The following SCHIP1 variants were observed in gnomAD, a reference collection of about 807,000 sequenced individuals.
The protein encoded by SCHIP1 is schwannomin-interacting protein 1.
SCHIP1 carries 8 observed loss-of-function variants against 29.7 expected under a neutral mutation model. That is an observed-to-expected ratio of 0.27 (90% CI 0.16 to 0.49). The LOEUF is 0.49. Among genes scored for constraint, SCHIP1 ranks in the 20% least tolerant of loss-of-function variants. The pLI, the probability that SCHIP1 is intolerant of heterozygous loss-of-function variation, is 0.99. For synonymous variants in SCHIP1, 76 were observed against 94.9 expected (o/e 0.80, Z 1.16); for missense variants, 193 against 294.6 (o/e 0.66, Z 2.52).
chr3:159,524,921 C>T, the SCHIP1 span, among the ~76,000 whole-genome samples: 1 of 152,206 alleles, frequency 6.6e-6, no homozygotes, highest in African/African-American at 2.4e-5. Flanking sequence ...CTACTGTACA[C>T]CCCACCCCTA....
the SCHIP1 span, among the ~76,000 whole-genome samples, chr3:159,529,893 A>G: frequency 4.6e-5 from 7 of 152,202 alleles, no homozygotes; most frequent in Non-Finnish European, 8.8e-5. Flanking sequence ...CACTTAACAT[A>G]ACGTCCTCCA....
chr3:159,732,178 G>A, the SCHIP1 span, among the ~76,000 whole-genome samples: 1 of 152,336 alleles, frequency 6.6e-6, no homozygotes, highest in South Asian at 2.1e-4. Context: ...TGCCTACTAT[G>A]TGCAGAAACT....
chr3:159,763,088 G>A, the SCHIP1 span, among the ~76,000 whole-genome samples: 2 of 152,188 alleles, frequency 1.3e-5, no homozygotes, highest in Non-Finnish European at 2.9e-5. Context: ...TCAGCGTGCA[G>A]CCCGGAGGGG....
At chr3:159,421,511 C>G in the SCHIP1 span, among the ~76,000 whole-genome samples, 2 of 151,976 alleles carry the variant, frequency 1.3e-5, no homozygotes, top group Admixed American at 6.6e-5. Flanking sequence ...AAAAGGAGAA[C>G]AAATAAAGTT....
chr3:159,734,135 C>CTTTTTTTTTTTTTTTTTTTTTTTTA, the SCHIP1 span, among the ~76,000 whole-genome samples: 1 of 100,938 alleles, frequency 9.9e-6, no homozygotes, highest in Non-Finnish European at 1.9e-5. Context: ...TTATTGTTTA[C>CTTTTTTTTTTTTTTTTTTTTTTTTA]TTTTTTTTTT....
the SCHIP1 span, among the ~76,000 whole-genome samples, chr3:159,358,209 G>A: frequency 1.2e-3 from 184 of 152,302 alleles, 5 homozygotes; most frequent in East Asian, 0.031. Context: ...CACAGGGTCA[G>A]ATGAGAAATT....
At chr3:159,399,697 G>A in the SCHIP1 span, among the ~76,000 whole-genome samples, 26 of 152,230 alleles carry the variant, frequency 1.7e-4, 1 homozygote, top group South Asian at 5.2e-3. Flanking sequence ...ATATATTAGA[G>A]ATAGGGTCTT....
chr3:159,746,157 A>G, the SCHIP1 span, among the ~76,000 whole-genome samples: 1 of 152,252 alleles, frequency 6.6e-6, no homozygotes, highest in East Asian at 1.9e-4. Context: ...AGCAAAAAAT[A>G]TAGAATTATA....
the SCHIP1 span, among the ~76,000 whole-genome samples, chr3:159,749,000 G>A: frequency 1.3e-4 from 20 of 152,210 alleles, no homozygotes; most frequent in Non-Finnish European, 2.5e-4. Context: ...AGCTGGGTAC[G>A]GTGTCTTTCG....
chr3:159,327,341 G>C, the SCHIP1 span, among the ~76,000 whole-genome samples: 2 of 152,172 alleles, frequency 1.3e-5, no homozygotes, highest in Non-Finnish European at 2.9e-5. Flanking sequence ...GGAATCTTTA[G>C]CACAGTGTCT....
chr3:159,891,202 T>G (rs1717497875), intron 5 of SCHIP1, among the ~76,000 whole-genome samples: 1 of 152,060 alleles, frequency 6.6e-6, no homozygotes, highest in South Asian at 2.1e-4. Context: ...AAACCCTGTC[T>G]CTACTAAAAA....
At chr3:159,807,981 A>G in the SCHIP1 span, among the ~76,000 whole-genome samples, 1 of 152,224 alleles carries the variant, frequency 6.6e-6, no homozygotes, top group African/African-American at 2.4e-5. Context: ...TTCTAACTCA[A>G]GAGCCCTGTT....
chr3:159,833,404 T>C, the SCHIP1 span, among the ~76,000 whole-genome samples: 1 of 152,328 alleles, frequency 6.6e-6, no homozygotes, highest in Non-Finnish European at 1.5e-5. Context: ...CCGTCTCTGG[T>C]TCTTTCTCTT....
the SCHIP1 span, among the ~76,000 whole-genome samples, chr3:159,674,629 G>C: frequency 1.5e-4 from 21 of 143,880 alleles, no homozygotes; most frequent in South Asian, 4.5e-3. Flanking sequence ...AAAAAGCTGG[G>C]AAAAGCTAGC....
chr3:159,713,785 C>G, the SCHIP1 span, among the ~76,000 whole-genome samples: 1 of 152,192 alleles, frequency 6.6e-6, no homozygotes, highest in Non-Finnish European at 1.5e-5. Flanking sequence ...TAGGTGGCCT[C>G]TCCAAAATGG....
chr3:159,423,363 A>C, the SCHIP1 span, among the ~76,000 whole-genome samples: 1 of 152,206 alleles, frequency 6.6e-6, no homozygotes, highest in East Asian at 1.9e-4. Context: ...TGAATACTGC[A>C]CTTTTCCGAC....
the SCHIP1 span, among the ~76,000 whole-genome samples, chr3:159,415,565 G>A: frequency 6.6e-6 from 1 of 152,086 alleles, no homozygotes; most frequent in Non-Finnish European, 1.5e-5. Context: ...TTCTCTTCCT[G>A]TGTTAGTTTG....
chr3:159,313,734 G>A, the SCHIP1 span, among the ~76,000 whole-genome samples: 1 of 150,714 alleles, frequency 6.6e-6, no homozygotes, highest in African/African-American at 2.4e-5. Flanking sequence ...TTTTTTTTCT[G>A]TTCTGGCATC....
intron 1 of SCHIP1, chr3:159,852,833 T>C (rs1712820612): frequency 6.6e-6 from 1 of 152,258 alleles, no homozygotes; most frequent in Non-Finnish European, 1.5e-5. Context: ...TAAATTATAC[T>C]GTTTCCGTTT....
Sources: gnomAD v4.1 joint callset for allele counts (sites outside exome capture counted in the v4.1 genomes callset) on GRCh38, gnomAD v4.1.1 for gene constraint, MANE v1.5 for transcripts, NCBI Gene and HGNC (gene_info 2026-07-23, HGNC 2026-07-21) for gene names.